ITGA1: variants seen among roughly 807,000 people sequenced by gnomAD.
ITGA1 encodes integrin subunit alpha 1, also known as integrin alpha-1.
ITGA1 carries 85 observed loss-of-function variants against 145.9 expected under a neutral mutation model. The ratio of observed to expected loss-of-function variants is 0.58; its 90% CI spans 0.49 to 0.70. ITGA1 has a LOEUF of 0.70. Among genes scored for constraint, ITGA1 ranks in the 30% least tolerant of loss-of-function variants. The pLI is 0.00. For missense variants in ITGA1, 1,351 were observed against 1,418.7 expected, an observed-to-expected ratio of 0.95 and a Z score of 0.77; for synonymous variants, 520 against 495.3, an observed-to-expected ratio of 1.05 and a Z score of -0.66.
intron 12 of ITGA1, among the ~76,000 whole-genome samples, chr5:52,906,819 A>C (rs1750415816): frequency 6.6e-6 from 1 of 152,162 alleles, no homozygotes; most frequent in African/African-American, 2.4e-5. Flanking sequence ...CAAGAGTCCA[A>C]GCTGCAGCCC....
intron 1 of ITGA1, among the ~76,000 whole-genome samples, chr5:52,793,026 A>G (rs1318480787): frequency 1.3e-5 from 2 of 152,132 alleles, no homozygotes; most frequent in Non-Finnish European, 2.9e-5. Context: ...GGGACTTTGC[A>G]TAAGTAGTTA....
chr5:52,921,765 A>G (rs1364153585), intron 17 of ITGA1, among the ~76,000 whole-genome samples: 1 of 152,190 alleles, frequency 6.6e-6, no homozygotes, highest in Non-Finnish European at 1.5e-5. Flanking sequence ...GCCAGTGTAG[A>G]ATTTGTATCC....
intron 26 of ITGA1, among the ~76,000 whole-genome samples, chr5:52,942,736 T>C (rs1282203026): frequency 6.9e-6 from 1 of 145,936 alleles, no homozygotes; most frequent in Non-Finnish European, 1.5e-5. Context: ...AGAGATGGGG[T>C]TTCACTGTGT....
Position 52,915,340 on chromosome 5 carries a change from T to A in ITGA1, c.1858-124T>A. On this transcript the variant is annotated intron_variant, in intron 14 of 28. Coordinates refer to ENST00000282588, the MANE Select transcript of ITGA1 (RefSeq NM_181501.2). ...CTCTTATCTCCACATGAGGGACCTC[T>A]TGGGCGGATTCCCAAATTAACAAAA... The A allele has an allele frequency of 6.9e-6, 7 of 1,015,060 alleles. No individual in the cohort carries two copies. In the South Asian group the frequency reaches 1.1e-4, roughly 16 times the overall value. The allele number at this position is 1,015,060 out of a possible 1,614,324, so 62.9% of individuals were successfully genotyped here.
rs1452300450 is a variant in ITGA1, at chr5:52,933,558, C to T, written c.2862-336C>T. 35 of 139,420 alleles carry T rather than the reference C, an allele frequency of 2.5e-4. No homozygotes were observed. In the East Asian group the frequency reaches 6.2e-3, roughly 25 times the overall value. 8.6% of individuals were successfully genotyped at this position (139,420 alleles called of 1,614,324 possible). On this transcript the variant is annotated intron_variant, in intron 22 of 28. Transcript: ENST00000282588. The stretch of plus-strand genomic sequence containing the variant: ...AATTTTTAATCTATTTAGAATTCAG[C>T]ATTACATTTTAGTTTCATTTTTCAC...
chr5:52,788,514 A>C lies in ITGA1; in HGVS notation c.61+100A>C. 3.9e-6 allele frequency: 4 copies of C among 1,028,442 alleles called. No homozygotes were observed. In the South Asian group the frequency reaches 7.9e-5, roughly 20 times the overall value. 63.7% of individuals were successfully genotyped at this position (1,028,442 alleles called of 1,614,324 possible). ...AGCCATGGGCCAGATAGGAAGAGAG[A>C]GCGCCCATCCACTTTCGGGCATTCC... On this transcript the variant is annotated intron_variant, in intron 1 of 28. Transcript: ENST00000282588.
rs796675516 is a variant in ITGA1, at chr5:52,820,411, C to T, written c.62-28954C>T. ...GGGGGAGGGATAGCATTAGGAGATA[C>T]ACCTAATGCTAAATGACGAGTTAAT... On this transcript the variant is annotated intron_variant, in intron 1 of 28. Coordinates refer to ENST00000282588, the MANE Select transcript of ITGA1 (RefSeq NM_181501.2). 6.1e-4 allele frequency among the ~76,000 whole-genome samples: 89 copies of T among 146,868 alleles called. 1 individual carries two copies. The highest frequency in any genetic ancestry group is 2.1e-3 in the African/African-American group (83 of 39,842).
intron 28 of ITGA1, among the ~76,000 whole-genome samples, chr5:52,948,498 C>T (rs1751167442): frequency 6.6e-6 from 1 of 152,196 alleles, no homozygotes; most frequent in African/African-American, 2.4e-5. Context: ...GGGGCTTAGT[C>T]TCAGAGGAGA....
chr5:52,832,304 C>G (rs1370443405), intron 1 of ITGA1, among the ~76,000 whole-genome samples: 7 of 152,170 alleles, frequency 4.6e-5, no homozygotes, highest in Admixed American at 3.3e-4. Flanking sequence ...GTGTAGGTAA[C>G]TAGATGGCTC....
chr5:52,848,028 A>G (rs1749365574), intron 1 of ITGA1, among the ~76,000 whole-genome samples: 1 of 152,240 alleles, frequency 6.6e-6, no homozygotes, highest in East Asian at 1.9e-4. Context: ...GAGAAAATTA[A>G]AAAGAATTAA....
chr5:52,841,093 A>G (rs901878480), intron 1 of ITGA1, among the ~76,000 whole-genome samples: 1 of 152,196 alleles, frequency 6.6e-6, no homozygotes, highest in Non-Finnish European at 1.5e-5. Flanking sequence ...TTAAATACTG[A>G]GGTGTTTATT....
At chr5:52,915,433 A>G in intron 14 of ITGA1, 31 bp from the exon 15 acceptor site, 2 of 1,608,034 alleles carry the variant, frequency 1.2e-6, no homozygotes, top group Non-Finnish European at 1.7e-6. Context: ...GACTCTTCTC[A>G]TATGAAACTC....
At chr5:52,824,064 C>T (rs1177289628) in intron 1 of ITGA1, among the ~76,000 whole-genome samples, 2 of 151,914 alleles carry the variant, frequency 1.3e-5, no homozygotes, top group Non-Finnish European at 2.9e-5. Context: ...TGATCTGGGA[C>T]CTAATTTTCT....
intron 1 of ITGA1, among the ~76,000 whole-genome samples, chr5:52,795,813 A>G (rs13188662): frequency 0.29 from 44,033 of 151,756 alleles, 7,651 homozygotes; most frequent in South Asian, 0.43. Flanking sequence ...CAAATGAGAG[A>G]GCAGGACAAA....
chr5:52,869,950 A>G (rs915418164), intron 6 of ITGA1, among the ~76,000 whole-genome samples: 10 of 152,206 alleles, frequency 6.6e-5, no homozygotes, highest in African/African-American at 2.4e-4. Flanking sequence ...AACATTTAAT[A>G]GGGTTTTAAG....
At chr5:52,825,452 T>A (rs1748944963) in intron 1 of ITGA1, among the ~76,000 whole-genome samples, 2 of 152,152 alleles carry the variant, frequency 1.3e-5, no homozygotes, top group African/African-American at 4.8e-5. Context: ...AATTTTTCCT[T>A]ATTATTATAT....
At chr5:52,832,636 C>T (rs1486341943) in intron 1 of ITGA1, among the ~76,000 whole-genome samples, 1 of 151,986 alleles carries the variant, frequency 6.6e-6, no homozygotes, top group African/African-American at 2.4e-5. Flanking sequence ...ATTATATAAC[C>T]AAATATTACA....
At chr5:52,854,098 T>C (rs1050973852) in intron 2 of ITGA1, among the ~76,000 whole-genome samples, 1 of 152,140 alleles carries the variant, frequency 6.6e-6, no homozygotes, top group African/African-American at 2.4e-5. Context: ...ACCTGTCTGA[T>C]CTCAAAGTAG....
At chr5:52,843,694 A>T (rs1164738648) in intron 1 of ITGA1, among the ~76,000 whole-genome samples, 1 of 152,124 alleles carries the variant, frequency 6.6e-6, no homozygotes, top group African/African-American at 2.4e-5. Flanking sequence ...GATTGTTGTG[A>T]GCTGGGTTGT....
Sources: allele counts gnomAD v4.1 joint callset (sites outside exome capture counted in the v4.1 genomes callset), GRCh38; gene constraint gnomAD v4.1.1; transcripts MANE v1.5; gene names NCBI Gene and HGNC (gene_info 2026-07-23, HGNC 2026-07-21).